EXOSC7: variants seen among roughly 807,000 people sequenced by gnomAD.
EXOSC7 encodes exosome component 7.
EXOSC7 carries 25 observed loss-of-function variants against 34.3 expected under a neutral mutation model. That is an observed-to-expected ratio of 0.73 (90% CI 0.53 to 1.02). EXOSC7 has a LOEUF of 1.02. Ranked by LOEUF, EXOSC7 falls within the 50% of genes least tolerant of loss-of-function variation. The probability of loss-of-function intolerance (pLI) is 0.00; values close to 1 mark genes in which losing one functional copy is unlikely to be tolerated. For synonymous variants in EXOSC7, 130 were observed against 143.0 expected (o/e 0.91, Z 0.65); for missense variants, 370 against 368.5 (o/e 1.00, Z -0.03).
Position 45,005,359 on chromosome 3 carries a change from A to G in EXOSC7, c.560A>G (p.Tyr187Cys). The change falls in exon 6 of 8, where the codon TAT becomes TGT. Residue 187 changes from tyrosine to cysteine, a missense_variant. By Grantham distance (194) the Tyr-to-Cys change is radical (BLOSUM62 -2). Around this residue, in one of 3 missense-constraint regions of EXOSC7, gnomAD observed 255 missense variants for 246.4 expected, o/e 1.03. Coordinates refer to ENST00000265564, the MANE Select transcript of EXOSC7 (RefSeq NM_015004.4). ...SKDIELSDDP[Y>C]DCIRLSVENV... ...GACATTGAATTGTCAGATGACCCTTATGACTGCATACGACTAAGTGTGGAG... is the reference window on the plus strand; with the variant it reads ...GACATTGAATTGTCAGATGACCCTTGTGACTGCATACGACTAAGTGTGGAG... The G allele has an allele frequency of 6.2e-7, 1 of 1,613,934 alleles. No individual in the cohort carries two copies. The highest frequency in any genetic ancestry group is 8.5e-7 in the Non-Finnish European group (1 of 1,179,802).
chr3:44,991,013 A>G (rs994113405), intron 3 of EXOSC7, among the ~76,000 whole-genome samples: 1 of 149,896 alleles, frequency 6.7e-6, no homozygotes, highest in African/African-American at 2.5e-5. Flanking sequence ...TTCTCATAGT[A>G]CTCGTATAAG....
rs73085662 is a variant in EXOSC7 at position 44,979,946 on chromosome 3, G to C, written c.57+3612G>C. 1.2e-4 allele frequency among the ~76,000 whole-genome samples: 18 copies of C among 152,102 alleles called. 1 individual carries two copies. Among genetic ancestry groups the C allele is most frequent in the Non-Finnish European group, 1.9e-4 (13 of 67,996 alleles). ...TATGATGGGACTCTAGAGCAGTATG[G>C]GGGGGGTTTCAGGGAACCAATAAGA... On this transcript the variant is annotated intron_variant, in intron 1 of 7. Coordinates refer to ENST00000265564, the MANE Select transcript of EXOSC7 (RefSeq NM_015004.4).
chr3:44,978,908 G>A (rs969525714), intron 1 of EXOSC7, among the ~76,000 whole-genome samples: 1 of 152,208 alleles, frequency 6.6e-6, no homozygotes, highest in Admixed American at 6.5e-5. Context: ...TCTAGCACTT[G>A]GTAGGTTCTT....
At chr3:45,002,477 G>A (rs1227308613) in intron 5 of EXOSC7, among the ~76,000 whole-genome samples, 3 of 152,088 alleles carry the variant, frequency 2.0e-5, no homozygotes, top group Non-Finnish European at 4.4e-5. Flanking sequence ...ACAATGGAGG[G>A]GATTGAAGTC....
chr3:44,981,494 G>A (rs1179218808), intron 1 of EXOSC7, among the ~76,000 whole-genome samples: 1 of 152,120 alleles, frequency 6.6e-6, no homozygotes, highest in Non-Finnish European at 1.5e-5. Context: ...CATCAGAAGT[G>A]TGACTTTGTC....
chr3:44,997,027 C>A, intron 3 of EXOSC7, 60 bp from the exon 4 acceptor site: 1 of 1,537,610 alleles, frequency 6.5e-7, no homozygotes, highest in Non-Finnish European at 9.0e-7. Context: ...TAAAGCTTTG[C>A]CTCTTTGCTT....
chr3:45,006,922 G>A (rs1707065458), intron 6 of EXOSC7, among the ~76,000 whole-genome samples: 1 of 151,106 alleles, frequency 6.6e-6, no homozygotes, highest in Non-Finnish European at 1.5e-5. Flanking sequence ...ACAGGGTCTT[G>A]CCATGTTGCC....
intron 1 of EXOSC7, among the ~76,000 whole-genome samples, chr3:44,977,961 A>G (rs528028608): frequency 2.6e-5 from 4 of 152,344 alleles, no homozygotes; most frequent in African/African-American, 7.2e-5. Flanking sequence ...GAGTCCCACC[A>G]TGGTCATTAG....
intron 1 of EXOSC7, 43 bp downstream of exon 1, chr3:44,976,377 T>C: frequency 1.3e-6 from 2 of 1,526,096 alleles, no homozygotes; most frequent in Non-Finnish European, 1.8e-6. Context: ...GGGTTCAGCC[T>C]GGCCCTGCGG....
rs1707080163 is a variant in EXOSC7 at position 45,007,409 on chromosome 3, T to G, written c.616-11T>G. On this transcript the variant is annotated splice_polypyrimidine_tract_variant and intron_variant, in intron 6 of 7. Coordinates refer to ENST00000265564, the MANE Select transcript of EXOSC7 (RefSeq NM_015004.4). Reference sequence around the variant, plus strand: ...GTGACCCACCGTGTGCCACGCACCCTGCCTTTGCAGATTGGCTATCGGCAT... The same window carrying G: ...GTGACCCACCGTGTGCCACGCACCCGGCCTTTGCAGATTGGCTATCGGCAT... The G allele has an allele frequency of 6.2e-7, 1 of 1,613,874 alleles. No individual in the cohort carries two copies. Among genetic ancestry groups the G allele is most frequent in the Non-Finnish European group, 8.5e-7 (1 of 1,179,896 alleles).
chr3:45,002,795 C>T (rs1706917240), intron 5 of EXOSC7, among the ~76,000 whole-genome samples: 1 of 152,196 alleles, frequency 6.6e-6, no homozygotes, highest in African/African-American at 2.4e-5. Context: ...TAGAGTCCCC[C>T]ACCCCTAGCT....
In EXOSC7 at chr3:45,001,537, G is replaced by C; in HGVS notation, c.421-1G>C. 1 of 1,611,824 alleles carries C rather than the reference G, an allele frequency of 6.2e-7. No individual in the cohort carries two copies. The highest frequency in any genetic ancestry group is 1.1e-5 in the South Asian group (1 of 91,044). ...CCTTTTTCAATTCCTGTCTCCCTTA[G>C]CTTCTGGAATGTGGTGGAAATTTGT... is the stretch of plus-strand genomic sequence containing the variant. On this transcript the variant is annotated splice_acceptor_variant, in intron 4 of 7. Transcript: ENST00000265564. LOFTEE classifies it high-confidence loss of function.
At chr3:45,012,285 A>C (rs143532047), downstream of EXOSC7, 3 of 152,328 alleles carry the variant, frequency 2.0e-5, no homozygotes, top group African/African-American at 7.2e-5. Flanking sequence ...CCAGTTAGCA[A>C]ATGGGGTAAG....
intron 4 of EXOSC7, among the ~76,000 whole-genome samples, chr3:45,001,163 C>T (rs1030953240): frequency 9.2e-5 from 14 of 152,022 alleles, no homozygotes; most frequent in African/African-American, 2.9e-4. Context: ...AAAAAAAAAT[C>T]GGTGTCCTGG....
chr3:44,999,712 T>C (rs1706822729), intron 4 of EXOSC7, among the ~76,000 whole-genome samples: 1 of 152,156 alleles, frequency 6.6e-6, no homozygotes. Flanking sequence ...AGTTGTCATC[T>C]TCAGAAAAGT....
At chr3:45,005,123 G>C in intron 5 of EXOSC7, 168 bp from the exon 6 acceptor site, 1 of 672,120 alleles carries the variant, frequency 1.5e-6, no homozygotes, top group Non-Finnish European at 2.5e-6. Flanking sequence ...GCACTGCGGC[G>C]CCTCCTGTGT....
Position 45,007,463 on chromosome 3 carries a change from C to G in EXOSC7, c.659C>G (p.Ala220Gly), listed in dbSNP as rs752985064. ...GTGGATGCTACTCTTCAGGAGGAGG[C>G]CTGCTCGCTGGCCAGCTTGCTGGTG... ...HVVDATLQEE[A>G]CSLASLLVSV... Residue 220 changes from alanine (A) to glycine (G), a missense_variant, in exon 7 of 8, where the codon GCC (alanine) becomes GGC (glycine). This residue lies in a region of EXOSC7 where 255 missense variants were observed against 246.4 expected (regional missense o/e 1.03). Transcript: ENST00000265564. 1.6e-5 allele frequency: 26 copies of G among 1,614,034 alleles called. No homozygotes were observed. In the Admixed American group the frequency reaches 4.3e-4, roughly 27 times the overall value.
At chr3:45,008,538 T>G (rs1707119500) in intron 7 of EXOSC7, among the ~76,000 whole-genome samples, 2 of 152,144 alleles carry the variant, frequency 1.3e-5, no homozygotes, top group Non-Finnish European at 1.5e-5. Context: ...AACCTGGCTC[T>G]GGGCCATAGT....
intron 1 of EXOSC7, among the ~76,000 whole-genome samples, chr3:44,982,031 C>G (rs1706284480): frequency 6.6e-6 from 1 of 152,206 alleles, no homozygotes; most frequent in South Asian, 2.1e-4. Flanking sequence ...AGTGACATCT[C>G]TGCTTTTCTC....
Sources: allele counts gnomAD v4.1 joint callset (sites outside exome capture counted in the v4.1 genomes callset), GRCh38; gene constraint gnomAD v4.1.1; regional missense constraint gnomAD v4.1.1; transcripts MANE v1.5; gene names NCBI Gene and HGNC (gene_info 2026-07-23, HGNC 2026-07-21).